Variants in ADGRV1 observed in about 807,000 individuals in gnomAD.
The protein encoded by ADGRV1 is adhesion G protein-coupled receptor V1.
ADGRV1 carries 359 observed loss-of-function variants against 596.2 expected under a neutral mutation model. The observed-to-expected ratio is 0.60, with a 90% confidence interval of 0.55 to 0.66. ADGRV1 has a LOEUF of 0.66. Ranked by LOEUF, ADGRV1 falls within the 30% of genes least tolerant of loss-of-function variation. ADGRV1 has a pLI of 0.00. For synonymous variants in ADGRV1, 2,681 were observed against 2,679.2 expected, an observed-to-expected ratio of 1.00 and a Z score of -0.02; for missense variants, 7,274 against 7,575.6, an observed-to-expected ratio of 0.96 and a Z score of 1.48.
chr5:90,905,307 T>G (rs1228424994), intron 83 of ADGRV1, among the ~76,000 whole-genome samples: 1 of 152,088 alleles, frequency 6.6e-6, no homozygotes, highest in Admixed American at 6.6e-5. Context: ...TTGCATTCAG[T>G]TTTTAGATTG....
Position 90,711,250 on chromosome 5 carries a change from C to A in ADGRV1, c.8970C>A (p.Gly2990=), listed in dbSNP as rs1749311844. The change falls in exon 41 of 90, where the codon GGC becomes GGA. Residue 2990 remains glycine (G), a synonymous_variant. Coordinates refer to ENST00000405460, the MANE Select transcript of ADGRV1 (RefSeq NM_032119.4). ...LVAQRSREPL[G]HVSLFVYAQN... ...CCCAGAGGAGCAGAGAACCTCTTGGCCATGTTTCCTTATTTGTGTATGCTC... is the reference window on the plus strand; with the variant it reads ...CCCAGAGGAGCAGAGAACCTCTTGGACATGTTTCCTTATTTGTGTATGCTC... The A allele has an allele frequency of 6.2e-7, 1 of 1,612,668 alleles. No homozygotes were observed. The highest frequency in any genetic ancestry group is 8.5e-7 in the Non-Finnish European group (1 of 1,179,028).
chr5:90,599,701 G>C, intron 1 of ADGRV1, among the ~76,000 whole-genome samples: 1 of 151,916 alleles, frequency 6.6e-6, no homozygotes, highest in East Asian at 1.9e-4. Flanking sequence ...TAAGCATATC[G>C]ACAAAACATC....
chr5:90,577,401 A>T (rs932552348), intron 1 of ADGRV1, among the ~76,000 whole-genome samples: 2 of 152,088 alleles, frequency 1.3e-5, no homozygotes, highest in Non-Finnish European at 2.9e-5. Context: ...TGTTTTTGTC[A>T]GGTTTGTCAA....
rs4019336 is a variant in ADGRV1 at position 90,986,088 on chromosome 5, A to AAT, written c.18152+583_18152+584dup. Among the ~76,000 whole-genome samples, 857 of 141,602 alleles carry AAT rather than the reference A, an allele frequency of 6.1e-3. 6 individuals are homozygous for AAT. Among genetic ancestry groups the AAT allele is most frequent in the African/African-American group, 0.015 (566 of 39,000 alleles). The allele number at this position is 141,602 out of a possible 152,430, so 92.9% of individuals were successfully genotyped here. A position where few individuals can be genotyped will look rare whatever the true frequency, so the allele number is the denominator to read the frequency against. ...TGTACATATGCACATATATATGCAT[A>AAT]ATATATATATATATATATTATGCAT... On this transcript the variant is annotated intron_variant, in intron 85 of 89. Transcript: ENST00000405460.
chr5:90,753,377 G>C (rs1485743242), intron 53 of ADGRV1, among the ~76,000 whole-genome samples, 197 bp from the exon 54 acceptor site: 29 of 151,724 alleles, frequency 1.9e-4, no homozygotes, highest in Admixed American at 1.9e-3. Flanking sequence ...TTTATAAATG[G>C]TTTGCTCTTC....
At chr5:90,972,037 G>A (rs138680422) in intron 84 of ADGRV1, among the ~76,000 whole-genome samples, 340 of 152,236 alleles carry the variant, frequency 2.2e-3, no homozygotes, top group African/African-American at 8.0e-3. Flanking sequence ...ACAAAAAAAG[G>A]CAGAGGTTGC....
At chr5:90,764,313 C>T (rs992581676) in intron 59 of ADGRV1, among the ~76,000 whole-genome samples, 13 of 152,170 alleles carry the variant, frequency 8.5e-5, no homozygotes, top group African/African-American at 1.9e-4. Context: ...CTTGTCTGTC[C>T]GCCATTGCTG....
chr5:91,023,772 G>A (rs1581818530), intron 85 of ADGRV1, among the ~76,000 whole-genome samples: 1 of 152,030 alleles, frequency 6.6e-6, no homozygotes, highest in East Asian at 1.9e-4. Flanking sequence ...AATTCGAGTG[G>A]CTATACTGAC....
intron 83 of ADGRV1, among the ~76,000 whole-genome samples, chr5:90,950,353 G>A (rs145129107): frequency 5.9e-5 from 9 of 152,190 alleles, no homozygotes; most frequent in East Asian, 3.9e-4. Context: ...ATGGAGTCTC[G>A]CTCTGTCATC....
intron 85 of ADGRV1, among the ~76,000 whole-genome samples, chr5:91,068,614 C>T (rs1050254672): frequency 1.3e-5 from 2 of 151,474 alleles, no homozygotes; most frequent in African/African-American, 4.8e-5. Context: ...AACTACAAAA[C>T]ACTGCTGAAA....
At chr5:91,075,210 A>G (rs1788744094) in intron 86 of ADGRV1, among the ~76,000 whole-genome samples, 1 of 152,066 alleles carries the variant, frequency 6.6e-6, no homozygotes, top group African/African-American at 2.4e-5. Flanking sequence ...TTCAGAAGCT[A>G]TGCTTTTAAT....
chr5:90,725,226 A>G lies in ADGRV1; in HGVS notation c.10047A>G (p.Leu3349=). The G allele has an allele frequency of 2.8e-6, 4 of 1,430,794 alleles. No individual in the cohort carries two copies. The highest frequency in any genetic ancestry group is 3.7e-6 in the Non-Finnish European group (4 of 1,070,032). The allele number at this position is 1,430,794 out of a possible 1,614,324, so 88.6% of individuals were successfully genotyped here. ...SVFTFTSGFK[L]FLVQTIIILE... ...TTACATTCACATCTGGATTTAAATT[A>G]TTCCTGGTAAAAACATTTTCATTTT... The change falls in exon 47 of 90, where the codon TTA becomes TTG. Residue 3349 remains leucine, a synonymous_variant. Coordinates refer to ENST00000405460, the MANE Select transcript of ADGRV1 (RefSeq NM_032119.4).
intron 83 of ADGRV1, among the ~76,000 whole-genome samples, chr5:90,879,216 A>G (rs569485394): frequency 6.6e-6 from 1 of 152,178 alleles, no homozygotes; most frequent in South Asian, 2.1e-4. Context: ...ACCTAACACC[A>G]TCTTTCCAGA....
Position 91,102,546 on chromosome 5 carries a change from A to G in ADGRV1, c.18432+206A>G, listed in dbSNP as rs142548023. The stretch of plus-strand genomic sequence containing the variant: ...GGGATTCTAACTTGCTCATTATACA[A>G]TTAGGGAAGACAAAATATTTATTCT... On this transcript the variant is annotated intron_variant, in intron 87 of 89. Transcript: ENST00000405460. Among the ~76,000 whole-genome samples, 9 of 152,360 alleles carry G rather than the reference A, an allele frequency of 5.9e-5. No homozygotes were observed. In the East Asian group the frequency reaches 1.2e-3, roughly 20 times the overall value.
chr5:90,793,256 CACTT>C (rs1006443080), intron 70 of ADGRV1: 4 of 152,230 alleles, frequency 2.6e-5, no homozygotes, highest in Non-Finnish European at 5.9e-5. Context: ...TATCAAGTCT[CACTT>C]ACAAATTAGA....
At chr5:90,825,244 T>C (rs1434609879) in intron 76 of ADGRV1, among the ~76,000 whole-genome samples, 1 of 152,154 alleles carries the variant, frequency 6.6e-6, no homozygotes, top group Non-Finnish European at 1.5e-5. Context: ...GCCCCCATAT[T>C]TCTTAACTAT....
chr5:91,069,109 A>T (rs536520986), intron 85 of ADGRV1, among the ~76,000 whole-genome samples: 1 of 152,266 alleles, frequency 6.6e-6, no homozygotes, highest in South Asian at 2.1e-4. Context: ...TTGAAATTGG[A>T]CCGTTCCTTA....
chr5:91,111,937 T>C (rs575445411), intron 87 of ADGRV1, among the ~76,000 whole-genome samples: 3 of 152,324 alleles, frequency 2.0e-5, no homozygotes, highest in Admixed American at 1.3e-4. Flanking sequence ...ATATAGAAGC[T>C]GAGACAAGGA....
intron 18 of ADGRV1, among the ~76,000 whole-genome samples, chr5:90,651,975 G>C (rs185176485): frequency 4.7e-4 from 68 of 143,866 alleles, no homozygotes; most frequent in Non-Finnish European, 8.1e-4. Flanking sequence ...TCAATCCTTT[G>C]TGAGACTGAG....
Sources: gnomAD v4.1 joint callset for allele counts (sites outside exome capture counted in the v4.1 genomes callset) on GRCh38, gnomAD v4.1.1 for gene constraint, MANE v1.5 for transcripts, NCBI Gene and HGNC (gene_info 2026-07-23, HGNC 2026-07-21) for gene names.